Variants in EEF1AKMT1 observed in about 807,000 individuals in gnomAD.
EEF1AKMT1 encodes the protein EEF1A lysine methyltransferase 1.
EEF1AKMT1 carries 18 observed loss-of-function variants against 21.0 expected under a neutral mutation model. The ratio of observed to expected loss-of-function variants is 0.86; its 90% CI spans 0.59 to 1.27. EEF1AKMT1 has a LOEUF of 1.27. Ranked by LOEUF, EEF1AKMT1 falls within the 50% of genes most tolerant of loss-of-function variation. EEF1AKMT1 has a pLI of 0.00. For synonymous variants in EEF1AKMT1, 109 were observed against 94.8 expected, an observed-to-expected ratio of 1.15 and a Z score of -0.87; for missense variants, 246 against 258.6, an observed-to-expected ratio of 0.95 and a Z score of 0.33.
chr13:20,769,221 A>G (rs1595033332), intron 1 of EEF1AKMT1: 1 of 152,378 alleles, frequency 6.6e-6, no homozygotes, highest in Non-Finnish European at 1.5e-5. Context: ...ATCTAAGTAA[A>G]CACAGAATAG....
At chr13:20,738,395 C>T (rs2058839515) in intron 2 of EEF1AKMT1, among the ~76,000 whole-genome samples, 1 of 152,220 alleles carries the variant, frequency 6.6e-6, no homozygotes, top group African/African-American at 2.4e-5. Context: ...TGATCTTTAT[C>T]TATTCATAGT....
intron 1 of EEF1AKMT1, among the ~76,000 whole-genome samples, chr13:20,769,957 G>A (rs751911355): frequency 6.6e-6 from 1 of 152,056 alleles, no homozygotes; most frequent in Non-Finnish European, 1.5e-5. Context: ...TAAATAGAGA[G>A]ACAGAAAACA....
At chr13:20,749,131 T>C (rs1595021974) in intron 2 of EEF1AKMT1, among the ~76,000 whole-genome samples, 1 of 152,352 alleles carries the variant, frequency 6.6e-6, no homozygotes, top group African/African-American at 2.4e-5. Flanking sequence ...TTCAGTAGAA[T>C]TCCTTTTTGT....
At chr13:20,740,030 G>C (rs1005625118) in intron 2 of EEF1AKMT1, among the ~76,000 whole-genome samples, 2 of 152,258 alleles carry the variant, frequency 1.3e-5, no homozygotes, top group Non-Finnish European at 2.9e-5. Flanking sequence ...CATGGTGGGG[G>C]AGGAGGCTCG....
chr13:20,747,507 C>G (rs552135094), intron 2 of EEF1AKMT1: 1 of 131,850 alleles, frequency 7.6e-6, no homozygotes, highest in Non-Finnish European at 1.6e-5. Flanking sequence ...TCTCTGTCAC[C>G]CAGGCTGGAG....
At chr13:20,740,224 T>C (rs754685810) in intron 2 of EEF1AKMT1, among the ~76,000 whole-genome samples, 35 of 152,160 alleles carry the variant, frequency 2.3e-4, no homozygotes, top group Non-Finnish European at 3.8e-4. Context: ...CTGCTCCGAG[T>C]GCGGGGCCTG....
chr13:20,764,761 T>C (rs1231759153), intron 1 of EEF1AKMT1, among the ~76,000 whole-genome samples: 1 of 152,106 alleles, frequency 6.6e-6, no homozygotes, highest in Non-Finnish European at 1.5e-5. Context: ...TGTAATTCTG[T>C]TGTTGTTCCT....
intron 2 of EEF1AKMT1, among the ~76,000 whole-genome samples, chr13:20,746,604 C>T (rs1285413961): frequency 6.6e-6 from 1 of 152,150 alleles, no homozygotes; most frequent in Non-Finnish European, 1.5e-5. Flanking sequence ...TATCATGCAC[C>T]GTAAGTGGTA....
intron 2 of EEF1AKMT1, among the ~76,000 whole-genome samples, chr13:20,739,340 C>T (rs552469778): frequency 4.6e-5 from 7 of 152,270 alleles, no homozygotes; most frequent in African/African-American, 7.2e-5. Context: ...GGAAGGCAAC[C>T]CAAGAGGGTT....
chr13:20,735,242 G>T (rs546784119), intron 3 of EEF1AKMT1, among the ~76,000 whole-genome samples: 1 of 152,270 alleles, frequency 6.6e-6, no homozygotes, highest in Admixed American at 6.5e-5. Context: ...AGGTGAAGGT[G>T]GGGCCAAAAC....
At chr13:20,764,880 A>AAC (rs34574835) in intron 1 of EEF1AKMT1, among the ~76,000 whole-genome samples, 30,663 of 139,630 alleles carry the variant, frequency 0.22, 3,380 homozygotes, top group Non-Finnish European at 0.24. Context: ...TTTCACTTTC[A>AAC]ACACACACAC....
intron 1 of EEF1AKMT1, among the ~76,000 whole-genome samples, chr13:20,760,688 T>C (rs1365054880): frequency 6.8e-6 from 1 of 147,692 alleles, no homozygotes; most frequent in Non-Finnish European, 1.5e-5. Flanking sequence ...AAATTAAAAA[T>C]AAAATATGTT....
intron 1 of EEF1AKMT1, among the ~76,000 whole-genome samples, chr13:20,771,660 T>C (rs918944936): frequency 6.6e-6 from 1 of 152,210 alleles, no homozygotes; most frequent in African/African-American, 2.4e-5. Context: ...AGTTCAAAAG[T>C]GCATCACTTC....
At chr13:20,731,074 T>A (rs2058792175) in intron 4 of EEF1AKMT1, among the ~76,000 whole-genome samples, 1 of 152,208 alleles carries the variant, frequency 6.6e-6, no homozygotes. Context: ...GTGGCTTCAT[T>A]CTTCAAGTCA....
intron 3 of EEF1AKMT1, among the ~76,000 whole-genome samples, chr13:20,736,133 A>T (rs1022121513): frequency 1.3e-5 from 2 of 152,236 alleles, no homozygotes; most frequent in Admixed American, 1.3e-4. Flanking sequence ...AGGACAATAG[A>T]TAAAAACTCC....
chr13:20,767,038 G>A (rs964750441), intron 1 of EEF1AKMT1, among the ~76,000 whole-genome samples: 6 of 152,058 alleles, frequency 3.9e-5, no homozygotes, highest in Non-Finnish European at 5.9e-5. Context: ...CAGGCGCGGT[G>A]ACTCACACCT....
intron 2 of EEF1AKMT1, among the ~76,000 whole-genome samples, chr13:20,739,476 T>C (rs562990261): frequency 1.3e-5 from 2 of 152,308 alleles, no homozygotes; most frequent in African/African-American, 2.4e-5. Flanking sequence ...GCCCATTTTA[T>C]AGAGAGCTGA....
chr13:20,766,298 C>CAAA lies in EEF1AKMT1; in HGVS notation c.-20+7620_-20+7622dup, dbSNP rs35866979. Among the ~76,000 whole-genome samples, 96 of 76,546 alleles carry CAAA rather than the reference C, an allele frequency of 1.3e-3. 1 individual carries two copies. Among genetic ancestry groups the CAAA allele is most frequent in the East Asian group, 4.0e-3 (7 of 1,730 alleles). 50.2% of individuals were successfully genotyped at this position (76,546 alleles called of 152,430 possible). A position where few individuals can be genotyped will look rare whatever the true frequency, so the allele number is the denominator to read the frequency against. On this transcript the variant is annotated intron_variant, in intron 1 of 4. Transcript: ENST00000382758. The stretch of plus-strand genomic sequence containing the variant: ...TGGGTGACACAGTGAGACTCCATCT[C>CAAA]AAAAAAAAAAAAAAAAAGAAAGAAA...
At position 20,757,626 on chromosome 13, in the gene EEF1AKMT1, C is replaced by T. The variant is rs2058978472; in HGVS notation, c.-19-9G>A. 1 of 1,604,396 alleles carries T rather than the reference C, an allele frequency of 6.2e-7. No homozygotes were observed. The highest frequency in any genetic ancestry group is 8.5e-7 in the Non-Finnish European group (1 of 1,173,352). On this transcript the variant is annotated splice_polypyrimidine_tract_variant and intron_variant, in intron 1 of 4. Transcript: ENST00000382758. ...CACAAGTTGTTTATAACCTGCAGAT[C>T]AAGAAATAAATGTTCTGTGCAGATT...
Sources: allele counts gnomAD v4.1 joint callset (sites outside exome capture counted in the v4.1 genomes callset), GRCh38; gene constraint gnomAD v4.1.1; transcripts MANE v1.5; gene names NCBI Gene and HGNC (gene_info 2026-07-23, HGNC 2026-07-21).